The following TNKS variants were observed in gnomAD, a reference collection of about 807,000 sequenced individuals.
TNKS encodes the protein tankyrase, also known as poly [ADP-ribose] polymerase tankyrase-1.
TNKS carries 72 observed loss-of-function variants against 135.8 expected under a neutral mutation model. The ratio of observed to expected loss-of-function variants is 0.53; its 90% confidence interval spans 0.44 to 0.64. The LOEUF (loss-of-function observed/expected upper bound fraction) is 0.64. Ranked by LOEUF, TNKS falls within the 30% of genes least tolerant of loss-of-function variation. The pLI is 0.00. For missense variants in TNKS, 1,769 were observed against 1,674.0 expected, an observed-to-expected ratio of 1.06 and a Z score of -0.99; for synonymous variants, 849 against 649.3, an observed-to-expected ratio of 1.31 and a Z score of -4.68.
At chr8:9,658,418 G>C (rs984897718) in intron 3 of TNKS, 2 of 1,254,442 alleles carry the variant, frequency 1.6e-6, no homozygotes, top group African/African-American at 3.2e-5. Flanking sequence ...CATCCTCCCG[G>C]CGGTCGGGCG....
At chr8:9,574,771 C>T (rs956103172) in intron 1 of TNKS, among the ~76,000 whole-genome samples, 1 of 151,878 alleles carries the variant, frequency 6.6e-6, no homozygotes, top group Non-Finnish European at 1.5e-5. Flanking sequence ...TTTTTGGTAG[C>T]TGGACAGATG....
intron 1 of TNKS, among the ~76,000 whole-genome samples, chr8:9,567,304 T>C (rs1177511333): frequency 6.6e-6 from 1 of 152,258 alleles, no homozygotes; most frequent in African/African-American, 2.4e-5. Flanking sequence ...CTATCTGGTC[T>C]TTTGTTCAGT....
intron 17 of TNKS, among the ~76,000 whole-genome samples, chr8:9,744,317 TAAGAGTA>T (rs1457348978): frequency 6.6e-6 from 1 of 152,238 alleles, no homozygotes; most frequent in African/African-American, 2.4e-5. Flanking sequence ...TTATATCTTA[TAAGAGTA>T]AATCAATTGA....
intron 3 of TNKS, 147 bp downstream of exon 3, chr8:9,615,824 T>C (rs1439620847): frequency 3.3e-6 from 2 of 614,216 alleles, no homozygotes; most frequent in Non-Finnish European, 5.6e-6. Flanking sequence ...ATTGATTTGA[T>C]ATCTGTCTCA....
intron 2 of TNKS, among the ~76,000 whole-genome samples, chr8:9,595,577 T>G (rs566310450): frequency 4.6e-5 from 7 of 152,078 alleles, no homozygotes; most frequent in Non-Finnish European, 1.0e-4. Context: ...TATGTACTTA[T>G]TAATTGTGTT....
chr8:9,567,566 C>T (rs1184606325), intron 1 of TNKS, among the ~76,000 whole-genome samples: 5 of 152,176 alleles, frequency 3.3e-5, no homozygotes, highest in African/African-American at 1.2e-4. Flanking sequence ...CAGGCGCCCG[C>T]CACCACGCCC....
At chr8:9,752,846 G>C (rs1406673308) in intron 20 of TNKS, among the ~76,000 whole-genome samples, 1 of 151,666 alleles carries the variant, frequency 6.6e-6, no homozygotes, top group Admixed American at 6.6e-5. Context: ...GGCCCCTGTA[G>C]TGCTAGCTGC....
chr8:9,705,661 T>A (rs897048041), intron 6 of TNKS, among the ~76,000 whole-genome samples: 1 of 152,226 alleles, frequency 6.6e-6, no homozygotes, highest in African/African-American at 2.4e-5. Flanking sequence ...TGCCTGATGC[T>A]CTTGTACATC....
chr8:9,595,896 T>G (rs1388698963), intron 2 of TNKS, among the ~76,000 whole-genome samples: 1 of 152,112 alleles, frequency 6.6e-6, no homozygotes, highest in Non-Finnish European at 1.5e-5. Flanking sequence ...GAGGATTGCT[T>G]GAGTTCAGAG....
chr8:9,771,658 G>C (rs1311116583), intron 26 of TNKS, among the ~76,000 whole-genome samples: 6 of 112,846 alleles, frequency 5.3e-5, no homozygotes, highest in African/African-American at 2.1e-4. Context: ...GATGAATGGA[G>C]GGGAGAGGCA....
At chr8:9,584,193 G>T (rs1298828781) in intron 2 of TNKS, among the ~76,000 whole-genome samples, 1 of 151,264 alleles carries the variant, frequency 6.6e-6, no homozygotes, top group Admixed American at 6.6e-5. Flanking sequence ...AAAAAATCTG[G>T]GAGTCACAAT....
At chr8:9,634,415 T>G (rs1398511821) in intron 3 of TNKS, among the ~76,000 whole-genome samples, 1 of 152,214 alleles carries the variant, frequency 6.6e-6, no homozygotes, top group Non-Finnish European at 1.5e-5. Context: ...ATTCTTTGAC[T>G]TCATATTCTT....
intron 2 of TNKS, among the ~76,000 whole-genome samples, chr8:9,594,972 T>A (rs2128756079): frequency 6.6e-6 from 1 of 152,338 alleles, no homozygotes; most frequent in Middle Eastern, 3.4e-3. Context: ...TTCTCACACC[T>A]TCTTTACTGT....
chr8:9,727,581 C>T (rs1441132225), intron 13 of TNKS, among the ~76,000 whole-genome samples: 1 of 152,118 alleles, frequency 6.6e-6, no homozygotes, highest in Non-Finnish European at 1.5e-5. Context: ...CCAGCTTTGC[C>T]TTTATTATTT....
intron 14 of TNKS, 72 bp from the exon 15 acceptor site, chr8:9,733,207 G>C: frequency 6.9e-7 from 1 of 1,440,906 alleles, no homozygotes. Context: ...AGAATGGTAG[G>C]ATTTTTATTA....
Position 9,710,174 on chromosome 8 carries a change from G to C in TNKS, c.1703G>C (p.Arg568Thr), listed in dbSNP as rs1804251167. 6 of 1,614,184 alleles carry C rather than the reference G, an allele frequency of 3.7e-6. No individual in the cohort carries two copies. Among genetic ancestry groups the C allele is most frequent in the Non-Finnish European group, 5.1e-6 (6 of 1,180,036 alleles). ...FMTPLHVAAE[R>T]AHNDVMEVLH... ...ACTCCCCTGCATGTTGCAGCCGAAA[G>C]AGCCCATAATGATGTCATGGAAGTT... Residue 568 changes from arginine (R) to threonine (T), a missense_variant, in exon 11 of 27, where the codon AGA becomes ACA. Transcript: ENST00000310430.
At chr8:9,720,252 T>C in intron 11 of TNKS, 122 bp from the exon 12 acceptor site, 1 of 900,474 alleles carries the variant, frequency 1.1e-6, no homozygotes, top group Non-Finnish European at 1.6e-6. Flanking sequence ...ATAATCAATA[T>C]CTATGAGACT....
chr8:9,715,694 A>C (rs751040650), intron 11 of TNKS, among the ~76,000 whole-genome samples: 3 of 152,192 alleles, frequency 2.0e-5, no homozygotes, highest in Admixed American at 6.5e-5. Context: ...TATTCAGCAA[A>C]AGATTAGAAA....
In TNKS at chr8:9,567,296, A is replaced by G. The variant is rs139321714; in HGVS notation, c.673+10684A>G. 2.2e-3 allele frequency among the ~76,000 whole-genome samples: 330 copies of G among 152,346 alleles called. 1 individual carries two copies. The highest frequency in any genetic ancestry group is 7.1e-3 in the African/African-American group (295 of 41,592). On this transcript the variant is annotated intron_variant, in intron 1 of 26. Transcript: ENST00000310430. ...TTGCAGTTACTAGAATGTTGGGACT[A>G]TCTGGTCTTTTGTTCAGTTGATTGT...
Sources: allele counts gnomAD v4.1 joint callset (sites outside exome capture counted in the v4.1 genomes callset), GRCh38; gene constraint gnomAD v4.1.1; transcripts MANE v1.5; gene names NCBI Gene and HGNC (gene_info 2026-07-23, HGNC 2026-07-21).